The following DPYD variants were observed in gnomAD, a reference collection of about 807,000 sequenced individuals.
DPYD encodes dihydropyrimidine dehydrogenase.
In DPYD, 109 loss-of-function variants were observed where a neutral mutation model predicts 116.2. The ratio of observed to expected loss-of-function variants is 0.94; its 90% CI spans 0.80 to 1.10. DPYD has a LOEUF of 1.10. Ranked by LOEUF, DPYD falls within the 50% of genes least tolerant of loss-of-function variation. DPYD has a pLI of 0.00. For synonymous variants in DPYD, 440 were observed against 432.0 expected (o/e 1.02, Z -0.23); for missense variants, 1,302 against 1,254.5 (o/e 1.04, Z -0.57).
intron 5 of DPYD, among the ~76,000 whole-genome samples, chr1:97,709,034 T>C (rs1662139178): frequency 6.6e-6 from 1 of 151,968 alleles, no homozygotes; most frequent in Admixed American, 6.6e-5. Context: ...TTCTGTTGAT[T>C]CTTTGGAATT....
chr1:97,420,699 A>T (rs1345299685), intron 14 of DPYD, among the ~76,000 whole-genome samples: 1 of 152,128 alleles, frequency 6.6e-6, no homozygotes, highest in East Asian at 1.9e-4. Flanking sequence ...GCACTCAGGC[A>T]GTACAGAGCC....
chr1:97,581,010 G>A (rs1653623623), intron 10 of DPYD, among the ~76,000 whole-genome samples: 3 of 152,072 alleles, frequency 2.0e-5, no homozygotes, highest in Non-Finnish European at 4.4e-5. Flanking sequence ...TTATGGGGAA[G>A]TACACAGGTG....
At chr1:97,598,224 T>C (rs998727485) in intron 8 of DPYD, among the ~76,000 whole-genome samples, 5 of 152,102 alleles carry the variant, frequency 3.3e-5, no homozygotes, top group Admixed American at 6.6e-5. Context: ...GAGGCAACCT[T>C]AAGTGAAATA....
intron 15 of DPYD, among the ~76,000 whole-genome samples, chr1:97,377,895 G>A (rs1340020910): frequency 1.3e-5 from 2 of 152,228 alleles, no homozygotes; most frequent in African/African-American, 4.8e-5. Flanking sequence ...CACGGTCCAA[G>A]TGGGAAGGGA....
At chr1:97,087,897 G>A in intron 21 of DPYD, among the ~76,000 whole-genome samples, 1 of 152,074 alleles carries the variant, frequency 6.6e-6, no homozygotes, top group East Asian at 1.9e-4. Flanking sequence ...CCTGCTCTAA[G>A]TAGTGAGTAT....
chr1:97,819,936 T>C (rs1234029848), intron 3 of DPYD, among the ~76,000 whole-genome samples: 2 of 152,020 alleles, frequency 1.3e-5, no homozygotes, highest in African/African-American at 4.8e-5. Flanking sequence ...ATACCACATA[T>C]AGAAATATGC....
At chr1:97,380,736 A>G (rs977760895) in intron 15 of DPYD, among the ~76,000 whole-genome samples, 2 of 152,204 alleles carry the variant, frequency 1.3e-5, no homozygotes, top group Non-Finnish European at 2.9e-5. Context: ...AGAAATGTAT[A>G]TGTTAGGTAG....
At chr1:97,576,409 G>A (rs994837969) in intron 10 of DPYD, among the ~76,000 whole-genome samples, 18 of 152,202 alleles carry the variant, frequency 1.2e-4, no homozygotes, top group South Asian at 4.1e-4. Flanking sequence ...GATCGATTTA[G>A]GATCTGTTTG....
chr1:97,246,019 T>C (rs1662693321), intron 18 of DPYD, among the ~76,000 whole-genome samples: 1 of 152,130 alleles, frequency 6.6e-6, no homozygotes, highest in Admixed American at 6.6e-5. Flanking sequence ...TGTTCTCTTC[T>C]TTGGCCTGTA....
At chr1:97,385,539 CAAA>C (rs1315777815) in intron 14 of DPYD, among the ~76,000 whole-genome samples, 3 of 137,776 alleles carry the variant, frequency 2.2e-5, no homozygotes, top group Non-Finnish European at 4.8e-5. Flanking sequence ...AAAAAAAAAA[CAAA>C]ATAAAACAAT....
At chr1:97,586,838 T>C (rs895350900) in intron 10 of DPYD, among the ~76,000 whole-genome samples, 2 of 151,956 alleles carry the variant, frequency 1.3e-5, no homozygotes, top group African/African-American at 2.4e-5. Context: ...TGGGGATACA[T>C]TAATTGCAAT....
In DPYD at chr1:97,299,156, C is replaced by T. The variant is rs1381665818; in HGVS notation, c.2299+6103G>A. On this transcript the variant is annotated intron_variant, in intron 18 of 22. Coordinates refer to ENST00000370192, the MANE Select transcript of DPYD (RefSeq NM_000110.4). Reference sequence around the variant, plus strand: ...GTGTACCTACACTGATTTTTTAGTACAGTAGATATGCATGAATCTGTGAAT... The same window carrying T: ...GTGTACCTACACTGATTTTTTAGTATAGTAGATATGCATGAATCTGTGAAT... Among the ~76,000 whole-genome samples, 3 of 152,038 alleles carry T rather than the reference C, an allele frequency of 2.0e-5. No homozygotes were observed. In the East Asian group the frequency reaches 5.8e-4, roughly 29 times the overall value.
chr1:97,252,170 A>G (rs1411274856), intron 18 of DPYD, among the ~76,000 whole-genome samples: 1 of 152,222 alleles, frequency 6.6e-6, no homozygotes, highest in East Asian at 1.9e-4. Flanking sequence ...TATTTTTTCA[A>G]TCTTTAATGT....
At chr1:97,317,381 T>A (rs915205851) in intron 16 of DPYD, among the ~76,000 whole-genome samples, 30 of 152,018 alleles carry the variant, frequency 2.0e-4, no homozygotes, top group African/African-American at 7.2e-4. Flanking sequence ...TTAGAACACA[T>A]TAAAAAGACC....
rs1017858378 is a variant in DPYD at position 97,546,070 on chromosome 1, T to C, written c.1524+3490A>G. On this transcript the variant is annotated intron_variant, in intron 12 of 22. Transcript: ENST00000370192. ...GATGAAGACAGCAACAACATCACAGTAGGATCCTTAGTTACAGTGCTGGTT... is the reference window on the plus strand; with the variant it reads ...GATGAAGACAGCAACAACATCACAGCAGGATCCTTAGTTACAGTGCTGGTT... The C allele has an allele frequency of 2.1e-5, 29 of 1,404,328 alleles. No individual in the cohort carries two copies. In the African/African-American group the frequency reaches 3.4e-4, roughly 16 times the overall value. The allele number at this position is 1,404,328 out of a possible 1,614,324, so 87.0% of individuals were successfully genotyped here.
chr1:97,880,185 G>A (rs1381312441), intron 2 of DPYD, among the ~76,000 whole-genome samples: 1 of 151,794 alleles, frequency 6.6e-6, no homozygotes, highest in African/African-American at 2.4e-5. Context: ...AAGAAAGAAA[G>A]AGAGTTTGAG....
intron 14 of DPYD, among the ~76,000 whole-genome samples, chr1:97,401,596 G>A (rs1673382762): frequency 6.6e-6 from 1 of 152,126 alleles, no homozygotes; most frequent in East Asian, 1.9e-4. Context: ...TTACAGGTGT[G>A]AGCCACTGCG....
intron 18 of DPYD, among the ~76,000 whole-genome samples, chr1:97,254,275 T>C (rs1265183894): frequency 6.6e-6 from 1 of 152,180 alleles, no homozygotes; most frequent in Non-Finnish European, 1.5e-5. Context: ...ACATATACTT[T>C]TTATATATAT....
intron 13 of DPYD, among the ~76,000 whole-genome samples, chr1:97,459,111 A>C (rs577767158): frequency 2.0e-4 from 30 of 152,282 alleles, no homozygotes; most frequent in African/African-American, 6.3e-4. Context: ...ATAAATAATG[A>C]GAAACTCAAA....
Sources: gnomAD v4.1 joint callset for allele counts (sites outside exome capture counted in the v4.1 genomes callset) on GRCh38, gnomAD v4.1.1 for gene constraint, MANE v1.5 for transcripts, NCBI Gene and HGNC (gene_info 2026-07-23, HGNC 2026-07-21) for gene names.